The following RPTOR variants were observed in gnomAD, a reference collection of about 807,000 sequenced individuals.
RPTOR encodes regulatory-associated protein of mTOR.
A neutral mutation model predicts 169.9 loss-of-function variants in RPTOR; 21 were observed. The observed-to-expected ratio is 0.12, with a 90% CI of 0.09 to 0.18. RPTOR has a LOEUF of 0.18. RPTOR is among the 10% of genes least tolerant of loss of function. The probability of loss-of-function intolerance (pLI) is 1.00; values close to 1 mark genes in which losing one functional copy is unlikely to be tolerated. For synonymous variants in RPTOR, 732 were observed against 753.2 expected (o/e 0.97, Z 0.46); for missense variants, 1,133 against 1,855.9 (o/e 0.61, Z 7.16).
chr17:80,912,143 G>A (rs1257644282), intron 21 of RPTOR, among the ~76,000 whole-genome samples: 2 of 152,204 alleles, frequency 1.3e-5, no homozygotes, highest in African/African-American at 4.8e-5. Context: ...TAAAATAGTT[G>A]TAAAAGCTTT....
chr17:80,960,257 G>A lies in RPTOR; in HGVS notation c.3605+52G>A, dbSNP rs1337563637. ...CCGAGTGCTGGCAGGGTACCTTCCA[G>A]GTGGTAGGGCCGTGTCACTGCCATT... On this transcript the variant is annotated intron_variant, in intron 30 of 33. Transcript: ENST00000306801. The surrounding 1 kb of genome is among the most constrained non-coding windows in gnomAD (Gnocchi z 4.8). 6.2e-7 allele frequency: 1 copy of A among 1,608,790 alleles called. No homozygotes were observed. Among genetic ancestry groups the A allele is most frequent in the East Asian group, 2.2e-5 (1 of 44,808 alleles).
chr17:80,785,222 A>C (rs1027397309), intron 6 of RPTOR, among the ~76,000 whole-genome samples: 1 of 152,224 alleles, frequency 6.6e-6, no homozygotes, highest in Non-Finnish European at 1.5e-5. Context: ...TGTCCCGCTC[A>C]TTACAAAGAA....
chr17:80,696,597 C>T (rs542652611), intron 3 of RPTOR, among the ~76,000 whole-genome samples: 2 of 152,324 alleles, frequency 1.3e-5, no homozygotes, highest in African/African-American at 4.8e-5. Flanking sequence ...CATGGCCTCC[C>T]GGGGCAAGGC....
rs201115099 is a variant in RPTOR at position 80,962,960 on chromosome 17, A to G, written c.3842A>G (p.Asn1281Ser). ...GSVNQFTAIY[N>S]SSGELINNIK... ...GTCAATCAGTTCACCGCCATCTACA[A>G]CAGCAGCGGAGAGCTCATCAACAAC... Residue 1281 changes from asparagine to serine, a missense_variant, in exon 33 of 34, where the codon AAC (asparagine) becomes AGC (serine). This residue lies in a region of RPTOR where 410 missense variants were observed against 623.7 expected (regional missense o/e 0.66). Transcript: ENST00000306801. 1.1e-4 allele frequency: 171 copies of G among 1,613,514 alleles called. No homozygotes were observed. The highest frequency in any genetic ancestry group is 1.3e-4 in the Non-Finnish European group (155 of 1,179,940).
intron 11 of RPTOR, among the ~76,000 whole-genome samples, chr17:80,850,369 G>A (rs774211018): frequency 5.3e-5 from 8 of 152,224 alleles, no homozygotes; most frequent in Non-Finnish European, 1.0e-4. Context: ...TTTCACCCAT[G>A]TTGATGCAAC....
At chr17:80,662,361 C>T (rs1399358764) in intron 3 of RPTOR, among the ~76,000 whole-genome samples, 1 of 152,152 alleles carries the variant, frequency 6.6e-6, no homozygotes, top group Non-Finnish European at 1.5e-5. Flanking sequence ...TAACTCAAAG[C>T]CTTGCAGGTG....
chr17:80,754,175 G>T lies in RPTOR; in HGVS notation c.820G>T (p.Ala274Ser). The T allele has an allele frequency of 1.2e-6, 2 of 1,603,156 alleles. No individual in the cohort carries two copies. Among genetic ancestry groups the T allele is most frequent in the Non-Finnish European group, 1.7e-6 (2 of 1,173,476 alleles). ...TSCLTTPIKI[A>S]LRWFCMQKCV... ...CTGCCTCACCACCCCCATCAAGATC[G>T]CCCTGCGCTGGTGAGTGGCCCCTGC... The change falls in exon 6 of 34, where the codon GCC (alanine) becomes TCC (serine). Residue 274 changes from alanine to serine, a missense_variant. Transcript: ENST00000306801. This position sits in a 1 kb window ranked among gnomAD's most constrained non-coding sequence, Gnocchi z 4.2.
intron 7 of RPTOR, among the ~76,000 whole-genome samples, chr17:80,807,775 C>A (rs2067234261): frequency 6.6e-6 from 1 of 151,976 alleles, no homozygotes; most frequent in South Asian, 2.1e-4. Flanking sequence ...CTTTACTATA[C>A]TTTGAGCATC....
At chr17:80,590,846 T>C (rs1448267448) in intron 1 of RPTOR, among the ~76,000 whole-genome samples, 1 of 152,216 alleles carries the variant, frequency 6.6e-6, no homozygotes, top group African/African-American at 2.4e-5. Context: ...GGAGTGTTTT[T>C]CTATTTTTTT....
intron 10 of RPTOR, among the ~76,000 whole-genome samples, chr17:80,839,022 GCAGGGGCACCGATGGT>G: frequency 6.6e-6 from 1 of 152,354 alleles, no homozygotes; most frequent in Non-Finnish European, 1.5e-5. Context: ...CCAGCCCAGG[GCAGGGGCACCGATGGT>G]CAGGAAGGTT....
At chr17:80,853,756 A>G (rs1047612444) in intron 11 of RPTOR, among the ~76,000 whole-genome samples, 1 of 152,222 alleles carries the variant, frequency 6.6e-6, no homozygotes, top group Non-Finnish European at 1.5e-5. Flanking sequence ...AGGCGGGTGG[A>G]TCACAAGGTC....
At chr17:80,961,531 C>T (rs1233658637) in intron 31 of RPTOR, 51 bp downstream of exon 31, 14 of 1,518,448 alleles carry the variant, frequency 9.2e-6, no homozygotes, top group Middle Eastern at 2.1e-4. Flanking sequence ...ACATTATTTT[C>T]CCCTCCATTT....
At chr17:80,946,417 C>T (rs573182460) in intron 26 of RPTOR, among the ~76,000 whole-genome samples, 2 of 152,352 alleles carry the variant, frequency 1.3e-5, no homozygotes, top group African/African-American at 2.4e-5. Context: ...GCAACCATCA[C>T]CCCCATTGGT....
intron 4 of RPTOR, among the ~76,000 whole-genome samples, chr17:80,720,107 G>A (rs1191053221): frequency 6.6e-6 from 1 of 152,076 alleles, no homozygotes; most frequent in Non-Finnish European, 1.5e-5. Flanking sequence ...TTTGAGACCA[G>A]CATGGTGAAA....
intron 4 of RPTOR, chr17:80,709,202 C>T (rs1279798344): frequency 1.2e-5 from 6 of 514,216 alleles, no homozygotes; most frequent in South Asian, 8.4e-5. Flanking sequence ...TAATTCCTTT[C>T]GTTAAATATT....
chr17:80,890,373 C>G (rs9893609), intron 17 of RPTOR, among the ~76,000 whole-genome samples: 5,354 of 152,336 alleles, frequency 0.035, 305 homozygotes, highest in African/African-American at 0.12. Flanking sequence ...CCCGTCTCGG[C>G]AGTGCCTCAC....
In RPTOR at chr17:80,823,956, C is replaced by G. The variant is rs1412371507; in HGVS notation, c.1136+733C>G. Reference sequence around the variant, plus strand: ...AACAACACAAATATTTTTAAAAGAGCGATTAACGTATGCCTAGCCGCAGAA... The same window carrying G: ...AACAACACAAATATTTTTAAAAGAGGGATTAACGTATGCCTAGCCGCAGAA... On this transcript the variant is annotated intron_variant, in intron 9 of 33. Coordinates refer to ENST00000306801, the MANE Select transcript of RPTOR (RefSeq NM_020761.3). The surrounding 1 kb of genome is among the most constrained non-coding windows in gnomAD (Gnocchi z 4.5). Among the ~76,000 whole-genome samples the G allele has an allele frequency of 6.6e-6, 1 of 152,140 alleles. No individual in the cohort carries two copies. The highest frequency in any genetic ancestry group is 1.5e-5 in the Non-Finnish European group (1 of 68,030).
chr17:80,743,903 G>T (rs62069364), intron 5 of RPTOR, among the ~76,000 whole-genome samples: 1,812 of 6,880 alleles, frequency 0.26, 278 homozygotes, highest in African/African-American at 0.44. Flanking sequence ...TCCTGGTTAC[G>T]AGCACAGCCC....
chr17:80,773,975 C>CCCTCTTCT (rs2066869309), intron 6 of RPTOR: 2 of 985,334 alleles, frequency 2.0e-6, no homozygotes, highest in Admixed American at 6.1e-5. Flanking sequence ...CTGACAAAGG[C>CCCTCTTCT]CCTCTTCTCG....
Sources: gnomAD v4.1 joint callset for allele counts (sites outside exome capture counted in the v4.1 genomes callset) on GRCh38, gnomAD v4.1.1 for gene constraint, gnomAD v4.1.1 regional missense constraint, Gnocchi (gnomAD v3.1) non-coding constraint, MANE v1.5 for transcripts, NCBI Gene and HGNC (gene_info 2026-07-23, HGNC 2026-07-21) for gene names.